The following SFMBT2 variants were observed in gnomAD, a reference collection of about 807,000 sequenced individuals.
SFMBT2 encodes the protein Scm like with four mbt domains 2.
In SFMBT2, 38 loss-of-function variants were observed where a neutral mutation model predicts 110.1. The ratio of observed to expected loss-of-function variants is 0.35; its 90% confidence interval spans 0.27 to 0.45. The LOEUF (loss-of-function observed/expected upper bound fraction) is 0.45. Among genes scored for constraint, SFMBT2 ranks in the 20% least tolerant of loss-of-function variants. The pLI is 1.00. For missense variants in SFMBT2, 1,011 were observed against 1,094.9 expected, an observed-to-expected ratio of 0.92 and a Z score of 1.08; for synonymous variants, 425 against 425.4, an observed-to-expected ratio of 1.00 and a Z score of 0.01.
At chr10:7,371,068 C>A (rs1845050857) in intron 2 of SFMBT2, among the ~76,000 whole-genome samples, 1 of 152,196 alleles carries the variant, frequency 6.6e-6, no homozygotes, top group South Asian at 2.1e-4. Flanking sequence ...GAAATACAAT[C>A]AAATGCACAA....
At chr10:7,165,566 A>G (rs757121884) in intron 20 of SFMBT2, among the ~76,000 whole-genome samples, 1 of 152,260 alleles carries the variant, frequency 6.6e-6, no homozygotes, top group Non-Finnish European at 1.5e-5. Flanking sequence ...ATGCAACATT[A>G]ACTTTAAAAG....
intron 17 of SFMBT2, among the ~76,000 whole-genome samples, chr10:7,175,568 GC>G (rs1838029031): frequency 1.3e-5 from 2 of 152,146 alleles, no homozygotes; most frequent in Non-Finnish European, 2.9e-5. Context: ...CAAGGATGTG[GC>G]CCCCGTATCA....
chr10:7,282,726 G>A (rs1422799523), intron 6 of SFMBT2, among the ~76,000 whole-genome samples: 1 of 152,180 alleles, frequency 6.6e-6, no homozygotes, highest in East Asian at 1.9e-4. Context: ...GAGCCTCTGA[G>A]TGACAGAAAA....
rs1336384155 is a variant in SFMBT2, at chr10:7,164,784, CA to C, written c.2545-875del. The stretch of plus-strand genomic sequence containing the variant: ...ACACACACACACACACACACACACA[CA>C]CACACACCATTTACAGACACACACT... On this transcript the variant is annotated intron_variant, in intron 20 of 20. Coordinates refer to ENST00000397167, the MANE Select transcript of SFMBT2 (RefSeq NM_001387889.1). Among the ~76,000 whole-genome samples the C allele has an allele frequency of 2.0e-3, 299 of 148,462 alleles. 2 individuals carry two copies. Among genetic ancestry groups the C allele is most frequent in the South Asian group, 5.2e-3 (25 of 4,780 alleles).
chr10:7,202,862 G>A (rs1839002709), intron 12 of SFMBT2: 2 of 985,180 alleles, frequency 2.0e-6, no homozygotes, highest in Non-Finnish European at 2.4e-6. Context: ...GCAGTTATCC[G>A]GAATGATTTT....
At position 7,171,190 on chromosome 10, in the gene SFMBT2, A is replaced by T; in HGVS notation, c.2416-134T>A. On this transcript the variant is annotated intron_variant, in intron 19 of 20. Coordinates refer to ENST00000397167, the MANE Select transcript of SFMBT2 (RefSeq NM_001387889.1). The surrounding 1 kb of genome is among the most constrained non-coding windows in gnomAD (Gnocchi z 4.9). The stretch of plus-strand genomic sequence containing the variant: ...TTTGCTCCCTCACTGGGCACCTGAA[A>T]AAGCTGCACACACTCTCAGTCCCTG... 6.8e-7 allele frequency: 1 copy of T among 1,461,898 alleles called. No individual in the cohort carries two copies. Among genetic ancestry groups the T allele is most frequent in the Admixed American group, 1.8e-5 (1 of 54,352 alleles). 90.6% of individuals were successfully genotyped at this position (1,461,898 alleles called of 1,614,324 possible).
At chr10:7,184,531 G>A (rs551148887) in intron 16 of SFMBT2, among the ~76,000 whole-genome samples, 22 of 152,032 alleles carry the variant, frequency 1.4e-4, no homozygotes, top group Admixed American at 2.6e-4. Context: ...CTTTATCAGC[G>A]GCATGAAAAT....
In SFMBT2 at chr10:7,172,464, C is replaced by T. The variant is rs759214152; in HGVS notation, c.2151+31G>A. 1.9e-6 allele frequency: 3 copies of T among 1,612,676 alleles called. No homozygotes were observed. In the South Asian group the frequency reaches 3.3e-5, roughly 18 times the overall value. ...CGGCCAGGGCCAGATGACAGAGCTACAGGCTGGCAGGTGCCCCGGGCAGAA... is the reference window on the plus strand; with the variant it reads ...CGGCCAGGGCCAGATGACAGAGCTATAGGCTGGCAGGTGCCCCGGGCAGAA... On this transcript the variant is annotated intron_variant, in intron 18 of 20. Transcript: ENST00000397167. The surrounding 1 kb of genome is among the most constrained non-coding windows in gnomAD (Gnocchi z 4.6).
At chr10:7,314,769 A>G (rs1842938995) in intron 4 of SFMBT2, among the ~76,000 whole-genome samples, 1 of 151,924 alleles carries the variant, frequency 6.6e-6, no homozygotes, top group Non-Finnish European at 1.5e-5. Context: ...TTAGCTGGGC[A>G]TGGTAGCAGG....
intron 11 of SFMBT2, among the ~76,000 whole-genome samples, chr10:7,215,174 G>A (rs953925880): frequency 6.6e-6 from 1 of 152,200 alleles, no homozygotes; most frequent in African/African-American, 2.4e-5. Flanking sequence ...GCCAAGGTGG[G>A]CAGATCACTT....
At chr10:7,362,728 T>A (rs1844763868) in intron 4 of SFMBT2, among the ~76,000 whole-genome samples, 1 of 152,236 alleles carries the variant, frequency 6.6e-6, no homozygotes, top group African/African-American at 2.4e-5. Flanking sequence ...CTGGTTCCAA[T>A]GGGGAACTGG....
intron 1 of SFMBT2, among the ~76,000 whole-genome samples, chr10:7,410,110 C>A (rs1269574405): frequency 2.6e-5 from 4 of 152,172 alleles, no homozygotes; most frequent in Non-Finnish European, 5.9e-5. Flanking sequence ...CTCAAGTCAG[C>A]AATTTTGAAA....
intron 4 of SFMBT2, among the ~76,000 whole-genome samples, chr10:7,352,021 C>T (rs1015164261): frequency 1.3e-5 from 2 of 152,028 alleles, no homozygotes; most frequent in Non-Finnish European, 2.9e-5. Context: ...GATGAAGTCG[C>T]TTTTTTCTGA....
intron 16 of SFMBT2, among the ~76,000 whole-genome samples, chr10:7,177,355 C>T (rs1158053250): frequency 6.6e-5 from 10 of 152,254 alleles, no homozygotes; most frequent in South Asian, 4.1e-4. Flanking sequence ...AATCTCCCCC[C>T]GCCCCCCGCA....
rs2131526564 is a variant in SFMBT2, at chr10:7,171,014, T to A, written c.2458A>T (p.Asn820Tyr). The change falls in exon 20 of 21, where the codon AAC becomes TAC. Residue 820 changes from asparagine (N) to tyrosine (Y), a missense_variant. Physicochemically the swap from Asn to Tyr is moderately radical, Grantham distance 143. Around this residue, in one of 2 missense-constraint regions of SFMBT2, gnomAD observed 979 missense variants for 1,016.1 expected, o/e 0.96. Transcript: ENST00000397167. The surrounding 1 kb of genome is among the most constrained non-coding windows in gnomAD (Gnocchi z 4.9). ...TCGGTGACCGTCCACTCCAACGGGT[T>A]GCTCTCCAGAACCAGTCTCTCCTCC... is the stretch of plus-strand genomic sequence containing the variant. ...EEEERLVLES[N>Y]PLEWTVTDVV... 6.2e-7 allele frequency: 1 copy of A among 1,614,222 alleles called. No homozygotes were observed. Among genetic ancestry groups the A allele is most frequent in the South Asian group, 1.1e-5 (1 of 91,090 alleles).
At chr10:7,190,980 T>C (rs1437170564) in intron 15 of SFMBT2, among the ~76,000 whole-genome samples, 1 of 151,986 alleles carries the variant, frequency 6.6e-6, no homozygotes, top group Non-Finnish European at 1.5e-5. Flanking sequence ...TTATAAGGAG[T>C]TCCCCTTTTT....
In SFMBT2 at chr10:7,385,808, G is replaced by C. The variant is rs534908425; in HGVS notation, c.-51-3859C>G. Among the ~76,000 whole-genome samples, 21 of 152,166 alleles carry C rather than the reference G, an allele frequency of 1.4e-4. No homozygotes were observed. In the East Asian group the frequency reaches 1.8e-3, roughly 13 times the overall value. On this transcript the variant is annotated intron_variant, in intron 1 of 20. Transcript: ENST00000397167. ...AGGTCAGGAGATCAAGACCATCCTG[G>C]CTAACACGGTGAAACCCCGTCTCTA...
At chr10:7,192,751 C>T (rs113742412) in intron 15 of SFMBT2, among the ~76,000 whole-genome samples, 4,396 of 152,286 alleles carry the variant, frequency 0.029, 93 homozygotes, top group Non-Finnish European at 0.046. Context: ...GCCAGAGTCA[C>T]CTGAGCCCTT....
intron 4 of SFMBT2, among the ~76,000 whole-genome samples, chr10:7,364,547 G>A (rs970058627): frequency 7.9e-5 from 12 of 152,208 alleles, no homozygotes; most frequent in Admixed American, 1.3e-4. Context: ...TTAGCTCTTA[G>A]AGTATTCAGA....
Sources: gnomAD v4.1 joint callset for allele counts (sites outside exome capture counted in the v4.1 genomes callset) on GRCh38, gnomAD v4.1.1 for gene constraint, gnomAD v4.1.1 regional missense constraint, Gnocchi (gnomAD v3.1) non-coding constraint, MANE v1.5 for transcripts, NCBI Gene and HGNC (gene_info 2026-07-23, HGNC 2026-07-21) for gene names.